SSBP2: variants seen among roughly 807,000 people sequenced by gnomAD.
SSBP2 encodes single stranded DNA binding protein 2.
SSBP2 carries 17 observed loss-of-function variants against 61.8 expected under a neutral mutation model. The observed-to-expected ratio is 0.28, with a 90% CI of 0.19 to 0.41. The LOEUF is 0.41. Ranked by LOEUF, SSBP2 falls within the 10% of genes least tolerant of loss-of-function variation. The pLI, the probability that SSBP2 is intolerant of heterozygous loss-of-function variation, is 1.00. For missense variants in SSBP2, 310 were observed against 458.7 expected (o/e 0.68, Z 2.96); for synonymous variants, 139 against 141.3 (o/e 0.98, Z 0.12).
rs376026809 is a variant in SSBP2, at chr5:81,462,499, C to A, written c.639-1396G>T. Among the ~76,000 whole-genome samples, 8 of 152,172 alleles carry A rather than the reference C, an allele frequency of 5.3e-5. No homozygotes were observed. In the East Asian group the frequency reaches 1.4e-3, roughly 26 times the overall value. On this transcript the variant is annotated intron_variant, in intron 9 of 16. Coordinates refer to ENST00000320672, the MANE Select transcript of SSBP2 (RefSeq NM_012446.5). ...AATTCAGCTTGAGGTATAGAAGATA[C>A]CAGTGGGGACTTGATAAAATTTTGT...
At chr5:81,587,741 A>ACACACG (rs1459305515) in intron 4 of SSBP2, among the ~76,000 whole-genome samples, 1 of 130,388 alleles carries the variant, frequency 7.7e-6, no homozygotes, top group East Asian at 2.9e-4. Flanking sequence ...AAACATACAC[A>ACACACG]CACACGCACA....
At chr5:81,543,047 G>T (rs1159652228) in intron 4 of SSBP2, among the ~76,000 whole-genome samples, 2 of 152,014 alleles carry the variant, frequency 1.3e-5, no homozygotes, top group Non-Finnish European at 2.9e-5. Flanking sequence ...TAGAGACGGG[G>T]TTTCACCATG....
chr5:81,648,437 C>T (rs1272101608), intron 2 of SSBP2, among the ~76,000 whole-genome samples: 1 of 152,050 alleles, frequency 6.6e-6, no homozygotes, highest in Non-Finnish European at 1.5e-5. Context: ...CAAATAAGCC[C>T]TACCAGTTCA....
chr5:81,583,945 T>C (rs4283766), intron 4 of SSBP2, among the ~76,000 whole-genome samples: 6,119 of 152,308 alleles, frequency 0.04, 174 homozygotes, highest in South Asian at 0.12. Context: ...AGTGCTATTA[T>C]TGAATTTTTA....
At chr5:81,555,376 G>T (rs1457160348) in intron 4 of SSBP2, among the ~76,000 whole-genome samples, 1 of 151,958 alleles carries the variant, frequency 6.6e-6, no homozygotes, top group African/African-American at 2.4e-5. Flanking sequence ...TTTATGGAAA[G>T]TCATTTTCAG....
At chr5:81,642,288 TC>T (rs1287805117) in intron 2 of SSBP2, among the ~76,000 whole-genome samples, 1 of 152,190 alleles carries the variant, frequency 6.6e-6, no homozygotes, top group Non-Finnish European at 1.5e-5. Flanking sequence ...TCTTCCATTA[TC>T]CCAGCATCAA....
intron 1 of SSBP2, among the ~76,000 whole-genome samples, chr5:81,711,174 AT>A (rs943891621): frequency 3.7e-4 from 57 of 152,198 alleles, no homozygotes; most frequent in African/African-American, 1.3e-3. Flanking sequence ...TCATATCTTG[AT>A]GCAGGAAGGG....
chr5:81,500,989 A>AG (rs1767666493), intron 5 of SSBP2, among the ~76,000 whole-genome samples: 1 of 150,188 alleles, frequency 6.7e-6, no homozygotes, highest in African/African-American at 2.4e-5. Flanking sequence ...AAAGGCAGGG[A>AG]GATCACCTGA....
At chr5:81,425,461 G>A (rs1227300445) in intron 16 of SSBP2, among the ~76,000 whole-genome samples, 2 of 151,968 alleles carry the variant, frequency 1.3e-5, no homozygotes, top group Non-Finnish European at 2.9e-5. Context: ...CTACCATCTT[G>A]TTTGTAATTC....
chr5:81,493,755 C>CA (rs34311488), intron 5 of SSBP2, among the ~76,000 whole-genome samples: 15,459 of 138,958 alleles, frequency 0.11, 870 homozygotes, highest in African/African-American at 0.13. Context: ...GACTCCATCT[C>CA]AAAAAAAAAA....
intron 2 of SSBP2, 78 bp downstream of exon 2, chr5:81,650,189 T>A: frequency 9.4e-7 from 1 of 1,066,302 alleles, no homozygotes; most frequent in Non-Finnish European, 1.4e-6. Context: ...ACAAACTTTT[T>A]TCAAATAATT....
intron 1 of SSBP2, among the ~76,000 whole-genome samples, chr5:81,676,692 C>T (rs144630158): frequency 6.6e-6 from 1 of 152,150 alleles, no homozygotes; most frequent in Non-Finnish European, 1.5e-5. Context: ...TCTCTTACCC[C>T]CTCCTTCCCC....
At chr5:81,539,673 C>G (rs997274487) in intron 4 of SSBP2, among the ~76,000 whole-genome samples, 3 of 152,174 alleles carry the variant, frequency 2.0e-5, no homozygotes, top group African/African-American at 7.2e-5. Context: ...CCATCAATAT[C>G]AAGGCAAGAC....
At chr5:81,686,486 T>C (rs1752780568) in intron 1 of SSBP2, among the ~76,000 whole-genome samples, 1 of 152,174 alleles carries the variant, frequency 6.6e-6, no homozygotes, top group Non-Finnish European at 1.5e-5. Flanking sequence ...TCTGAGGTTA[T>C]AGTTTCATAG....
At chr5:81,542,817 T>TTCTCTCTCCCTCTCTCTCTCTCTCTCTC (rs1771385698) in intron 4 of SSBP2, among the ~76,000 whole-genome samples, 3 of 106,724 alleles carry the variant, frequency 2.8e-5, no homozygotes, top group African/African-American at 1.2e-4. Context: ...ATTTGACAGT[T>TTCTCTCTCCCTCTCTCTCTCTCTCTCTC]TCTCTCTCTC....
intron 1 of SSBP2, among the ~76,000 whole-genome samples, chr5:81,665,280 T>C (rs1042631875): frequency 6.6e-6 from 1 of 152,040 alleles, no homozygotes; most frequent in African/African-American, 2.4e-5. Flanking sequence ...GGCTAGAGAA[T>C]AAATAATAAA....
At chr5:81,495,929 T>C (rs72773017) in intron 5 of SSBP2, among the ~76,000 whole-genome samples, 10,297 of 152,224 alleles carry the variant, frequency 0.068, 502 homozygotes, top group Non-Finnish European at 0.1. Context: ...AAGCATTTTC[T>C]ATATTCTATC....
intron 15 of SSBP2, among the ~76,000 whole-genome samples, chr5:81,435,108 T>A (rs1404833168): frequency 6.6e-6 from 1 of 152,184 alleles, no homozygotes. Context: ...GAAGGCAGAT[T>A]TAACTAGTCA....
chr5:81,731,769 T>C (rs935580233), intron 1 of SSBP2, among the ~76,000 whole-genome samples: 1 of 151,870 alleles, frequency 6.6e-6, no homozygotes, highest in Non-Finnish European at 1.5e-5. Flanking sequence ...TTATGTAAGA[T>C]ATGATGGTGA....
Sources: gnomAD v4.1 joint callset for allele counts (sites outside exome capture counted in the v4.1 genomes callset) on GRCh38, gnomAD v4.1.1 for gene constraint, MANE v1.5 for transcripts, NCBI Gene and HGNC (gene_info 2026-07-23, HGNC 2026-07-21) for gene names.